The following CRACR2B variants were observed in gnomAD, a reference collection of about 807,000 sequenced individuals.
CRACR2B encodes EF-hand calcium-binding domain-containing protein 4A.
Under a neutral mutation model 46.0 loss-of-function variants are expected in CRACR2B, and 50 were observed. That is an observed-to-expected ratio of 1.09 (90% CI 0.87 to 1.38). The LOEUF (loss-of-function observed/expected upper bound fraction) is 1.38. Ranked by LOEUF, CRACR2B falls within the 40% of genes most tolerant of loss-of-function variation. The pLI, the probability that CRACR2B is intolerant of heterozygous loss-of-function variation, is 0.00. For synonymous variants in CRACR2B, 277 were observed against 239.6 expected (o/e 1.16, Z -1.44); for missense variants, 667 against 535.0 (o/e 1.25, Z -2.43).
rs558547001 is a variant in CRACR2B, at chr11:831,705, G to A, written c.1196G>A (p.Arg399Gln). 1.8e-4 allele frequency: 271 copies of A among 1,508,510 alleles called. 4 individuals are homozygous for A. The East Asian group carries it at 6.3e-3, about 35-fold the overall frequency. The allele number at this position is 1,508,510 out of a possible 1,614,324, so 93.4% of individuals were successfully genotyped here. ...GGCTCTGGCCACCTTCCCAGTGCCC[G>A]GTGACCAGCCCCGAGTGACTCACGG... is the stretch of plus-strand genomic sequence containing the variant. ...RRGSGHLPSA[R>Q] Residue 399 changes from arginine (R) to glutamine (Q), a missense_variant, in exon 9 of 9, where the codon CGG becomes CAG. Arg to Gln is a conservative substitution (Grantham distance 43). Transcript: ENST00000525077.
Position 831,688 on chromosome 11 carries a change from C to T in CRACR2B, c.1179C>T (p.Gly393=), listed in dbSNP as rs1484382502. Residue 393 remains glycine (G), a synonymous_variant, in exon 9 of 9, where the codon GGC becomes GGT. Transcript: ENST00000525077. Reference sequence around the variant, plus strand: ...CTCGGCCCCCCAGACGCGGCTCTGGCCACCTTCCCAGTGCCCGGTGACCAG... The same window carrying T: ...CTCGGCCCCCCAGACGCGGCTCTGGTCACCTTCCCAGTGCCCGGTGACCAG... ...CWARPPRRGS[G]HLPSAR The T allele has an allele frequency of 1.3e-6, 2 of 1,516,482 alleles. No individual in the cohort carries two copies. The highest frequency in any genetic ancestry group is 8.8e-7 in the Non-Finnish European group (1 of 1,140,438). 93.9% of individuals were successfully genotyped at this position (1,516,482 alleles called of 1,614,324 possible).
rs977266812 is a variant in CRACR2B at position 828,927 on chromosome 11, G to A, written c.241G>A (p.Gly81Ser). 6.2e-7 allele frequency: 1 copy of A among 1,606,912 alleles called. No homozygotes were observed. Among genetic ancestry groups the A allele is most frequent in the Non-Finnish European group, 8.5e-7 (1 of 1,179,976 alleles). ...VFESLDRAHT[G>S]FLTAREFCLG... ...TGAAAGTCTGGACCGGGCTCACACT[G>A]GCTTCCTCACCGCCAGGGAGTTCTG... The change falls in exon 2 of 9, where the codon GGC (glycine) becomes AGC (serine). Residue 81 changes from glycine (G) to serine (S), a missense_variant. Gly to Ser is a moderately conservative substitution (Grantham distance 56). Transcript: ENST00000525077.
At chr11:826,613 T>A (rs1845918155), upstream of CRACR2B, among the ~76,000 whole-genome samples, 1 of 152,246 alleles carries the variant, frequency 6.6e-6, no homozygotes, top group African/African-American at 2.4e-5. Flanking sequence ...AAACTCTGCC[T>A]CCCGAGTTCA....
Position 830,097 on chromosome 11 carries a change from C to T in CRACR2B, c.570C>T (p.Ala190=). Residue 190 remains alanine, a synonymous_variant, in exon 4 of 9, where the codon GCC becomes GCT. Transcript: ENST00000525077. ...IRASACLEEA[A]RERDGLEQAL... ...CGTCGGCCTGCCTGGAGGAGGCGGC[C>T]CGGGAGCGCGACGGCCTGGAGCAGG... is the stretch of plus-strand genomic sequence containing the variant. 1 of 1,541,566 alleles carries T rather than the reference C, an allele frequency of 6.5e-7. No individual in the cohort carries two copies. The highest frequency in any genetic ancestry group is 8.7e-7 in the Non-Finnish European group (1 of 1,148,690).
chr11:831,135 C>T lies in CRACR2B; in HGVS notation c.954-89C>T, dbSNP rs752139841. Reference sequence around the variant, plus strand: ...TTTCATCCCCATCTCAAGTCCCAGGCCCGCCCCGTGGGAAGGAGGATCTTC... The same window carrying T: ...TTTCATCCCCATCTCAAGTCCCAGGTCCGCCCCGTGGGAAGGAGGATCTTC... On this transcript the variant is annotated intron_variant, in intron 7 of 8. Coordinates refer to ENST00000525077, the MANE Select transcript of CRACR2B (RefSeq NM_001286606.2). 3.1e-6 allele frequency: 5 copies of T among 1,593,446 alleles called. No homozygotes were observed. In the South Asian group the frequency reaches 5.6e-5, roughly 18 times the overall value.
In CRACR2B at chr11:829,433, C is replaced by A. The variant is rs1324471632; in HGVS notation, c.351C>A (p.Gly117=). The A allele has an allele frequency of 2.0e-5, 32 of 1,609,764 alleles. No individual in the cohort carries two copies. Among genetic ancestry groups the A allele is most frequent in the African/African-American group, 1.2e-4 (9 of 74,762 alleles). Residue 117 remains glycine (G), a synonymous_variant, in exon 3 of 9, where the codon GGC becomes GGA. Transcript: ENST00000525077. ...CRTPEETFES[G]GLDVQGTAGS... ...CTCCCGAGGAGACCTTTGAGTCGGG[C>A]GGGCTCGACGTGCAGGGCACGGCGG...
upstream of CRACR2B, chr11:827,263 G>C (rs1451374629): frequency 6.6e-6 from 1 of 151,926 alleles, no homozygotes. Flanking sequence ...GGCGCGCCCA[G>C]TGTTTCCGGG....
chr11:831,432 C>T (rs1846431688), intron 8 of CRACR2B, 103 bp from the exon 9 acceptor site: 4 of 1,479,974 alleles, frequency 2.7e-6, no homozygotes, highest in Non-Finnish European at 3.6e-6. Context: ...CACGCTGCAG[C>T]CTCAGCCAGA....
Position 830,330 on chromosome 11 carries a change from C to A in CRACR2B, c.686C>A (p.Pro229Gln). 1 of 1,535,270 alleles carries A rather than the reference C, an allele frequency of 6.5e-7. No individual in the cohort carries two copies. Among genetic ancestry groups the A allele is most frequent in the Non-Finnish European group, 8.7e-7 (1 of 1,144,776 alleles). ...EQLREQSRRP[P>Q]SQNFARGERR... ...CTTCGGGAGCAGAGCCGGCGCCCGC[C>A]GAGTCAGGTGGGCCTCGGGCCCCGC... is the stretch of plus-strand genomic sequence containing the variant. The change falls in exon 5 of 9, where the codon CCG (proline) becomes CAG (glutamine). Residue 229 changes from proline (P) to glutamine (Q), a missense_variant. By Grantham distance (76) the Pro-to-Gln change is moderately conservative. Transcript: ENST00000525077.
Position 827,931 on chromosome 11 carries a change from C to T in CRACR2B, c.-677C>T, listed in dbSNP as rs1440707031. Among the ~76,000 whole-genome samples the T allele has an allele frequency of 6.6e-6, 1 of 152,158 alleles. No homozygotes were observed. Among genetic ancestry groups the T allele is most frequent in the East Asian group, 1.9e-4 (1 of 5,200 alleles). ...GGGGAAGGGCCTCAGTGTTGTGGGG[C>T]AAGGGTGTTAGGTCTCGAATCTGGA... On this transcript the variant is annotated 5_prime_UTR_variant, in exon 1 of 9. Transcript: ENST00000525077.
rs1256278992 is a variant in CRACR2B at position 830,664 on chromosome 11, T to C, written c.737T>C (p.Leu246Pro). The change falls in exon 6 of 9, where the codon CTG (leucine) becomes CCG (proline). Residue 246 changes from leucine to proline, a missense_variant. Leu to Pro is a moderately conservative substitution (Grantham distance 98). Transcript: ENST00000525077. The part of the protein sequence containing the change: ...GERRSRLELE[L>P]QSREQDLERA... The stretch of plus-strand genomic sequence containing the variant: ...CGGAGAAGCCGTCTGGAGCTGGAGC[T>C]GCAGAGCCGCGAGCAGGACCTGGAA... 4.5e-6 allele frequency: 7 copies of C among 1,547,604 alleles called. No homozygotes were observed. The highest frequency in any genetic ancestry group is 6.1e-6 in the Non-Finnish European group (7 of 1,146,226).
In CRACR2B at chr11:831,702, C is replaced by T. The variant is rs541405821; in HGVS notation, c.1193C>T (p.Ala398Val). 1.1e-5 allele frequency: 17 copies of T among 1,508,168 alleles called. No homozygotes were observed. Among genetic ancestry groups the T allele is most frequent in the Non-Finnish European group, 1.4e-5 (16 of 1,137,852 alleles). 93.4% of individuals were successfully genotyped at this position (1,508,168 alleles called of 1,614,324 possible). Residue 398 changes from alanine (A) to valine (V), a missense_variant, in exon 9 of 9, where the codon GCC becomes GTC. Ala to Val is a moderately conservative substitution (Grantham distance 64). Transcript: ENST00000525077. ...CGCGGCTCTGGCCACCTTCCCAGTG[C>T]CCGGTGACCAGCCCCGAGTGACTCA... ...PRRGSGHLPS[A>V]R is the part of the protein sequence containing the mutation.
At chr11:826,767 T>C (rs1043207756), upstream of CRACR2B, among the ~76,000 whole-genome samples, 1 of 152,212 alleles carries the variant, frequency 6.6e-6, no homozygotes, top group Non-Finnish European at 1.5e-5. Flanking sequence ...TCAGGTGATC[T>C]GCCCCTGTCT....
Position 828,728 on chromosome 11 carries a change from T to A in CRACR2B, c.121T>A (p.Cys41Ser). 6.2e-7 allele frequency: 1 copy of A among 1,613,484 alleles called. No homozygotes were observed. Among genetic ancestry groups the A allele is most frequent in the South Asian group, 1.1e-5 (1 of 91,074 alleles). Residue 41 changes from cysteine (C) to serine (S), a missense_variant, in exon 1 of 9, where the codon TGT becomes AGT. Transcript: ENST00000525077. ...GCAGGCTGAGGAGCTGTTTCTGCTG[T>A]GTGACAAGGAGGCTAAGGGCTTCAT... is the stretch of plus-strand genomic sequence containing the variant. ...LEQAEELFLL[C>S]DKEAKGFITK...
rs778279448 is a variant in CRACR2B at position 828,673 on chromosome 11, C to T, written c.66C>T (p.Gly22=). The T allele has an allele frequency of 3.1e-6, 5 of 1,609,444 alleles. No individual in the cohort carries two copies. The East Asian group carries it at 1.1e-4, about 36-fold the overall frequency. The change falls in exon 1 of 9, where the codon GGC becomes GGT. Residue 22 remains glycine, a synonymous_variant. Coordinates refer to ENST00000525077, the MANE Select transcript of CRACR2B (RefSeq NM_001286606.2). ...AGGAGGAGGGGGAACTCGAGGGGGG[C>T]TCTGCAGGGCCGCGGGCTGCAATAC... ...AQEEEGELEG[G]SAGPRAAILE...
chr11:828,851 G>C lies in CRACR2B; in HGVS notation c.166-1G>C. On this transcript the variant is annotated splice_acceptor_variant, in intron 1 of 8. Transcript: ENST00000525077. LOFTEE classifies it high-confidence loss of function. ...CATCTCTGCTCTCCTTCCCCGACCAGGGTCTCCAGAGCGACCTGCCCCTCA... is the reference window on the plus strand; with the variant it reads ...CATCTCTGCTCTCCTTCCCCGACCACGGTCTCCAGAGCGACCTGCCCCTCA... The C allele has an allele frequency of 6.2e-7, 1 of 1,610,926 alleles. No individual in the cohort carries two copies. The highest frequency in any genetic ancestry group is 8.5e-7 in the Non-Finnish European group (1 of 1,179,532).
chr11:830,919 G>C lies in CRACR2B; in HGVS notation c.840G>C (p.Gln280His). Residue 280 changes from glutamine to histidine, a missense_variant, in exon 7 of 9, where the codon CAG becomes CAC. Gln to His is a conservative substitution (Grantham distance 24). Transcript: ENST00000525077. ...CGGAGCACCTGGAGGCACAGGCCCA[G>C]AACTCCCAGCTGTGGCGGGCGCACG... ...QAAEHLEAQA[Q>H]NSQLWRAHEA... 1 of 1,533,038 alleles carries C rather than the reference G, an allele frequency of 6.5e-7. No individual in the cohort carries two copies. Among genetic ancestry groups the C allele is most frequent in the African/African-American group, 1.4e-5 (1 of 73,094 alleles). 95.0% of individuals were successfully genotyped at this position (1,533,038 alleles called of 1,614,324 possible). A position where few individuals can be genotyped will look rare whatever the true frequency, so the allele number is the denominator to read the frequency against.
At position 828,901 on chromosome 11, in the gene CRACR2B, T is replaced by A. The variant is rs1846137493; in HGVS notation, c.215T>A (p.Phe72Tyr). The part of the protein sequence containing the change: ...PLTPEQLEAV[F>Y]ESLDRAHTGF... The stretch of plus-strand genomic sequence containing the variant: ...ACGCCAGAGCAGCTGGAGGCTGTGT[T>A]TGAAAGTCTGGACCGGGCTCACACT... Residue 72 changes from phenylalanine (F) to tyrosine (Y), a missense_variant, in exon 2 of 9, where the codon TTT (phenylalanine) becomes TAT (tyrosine). Physicochemically the swap from Phe to Tyr is conservative, Grantham distance 22. Coordinates refer to ENST00000525077, the MANE Select transcript of CRACR2B (RefSeq NM_001286606.2). The A allele has an allele frequency of 6.2e-7, 1 of 1,609,454 alleles. No individual in the cohort carries two copies. Among genetic ancestry groups the A allele is most frequent in the Admixed American group, 1.7e-5 (1 of 59,990 alleles).
rs1280645135 is a variant in CRACR2B at position 830,647 on chromosome 11, C to T, written c.720C>T (p.Ser240=). The change falls in exon 6 of 9, where the codon AGC becomes AGT. Residue 240 remains serine, a synonymous_variant. Transcript: ENST00000525077. ...ACTTCGCCCGCGGGGAGCGGAGAAG[C>T]CGTCTGGAGCTGGAGCTGCAGAGCC... is the stretch of plus-strand genomic sequence containing the variant. ...SQNFARGERR[S]RLELELQSRE... is the part of the protein sequence containing the mutation. The T allele has an allele frequency of 6.5e-7, 1 of 1,548,656 alleles. No individual in the cohort carries two copies. Among genetic ancestry groups the T allele is most frequent in the Non-Finnish European group, 8.7e-7 (1 of 1,146,578 alleles).
Sources: gnomAD v4.1 joint callset for allele counts (sites outside exome capture counted in the v4.1 genomes callset) on GRCh38, gnomAD v4.1.1 for gene constraint, MANE v1.5 for transcripts, NCBI Gene and HGNC (gene_info 2026-07-23, HGNC 2026-07-21) for gene names.